Variants in MYO1E observed in about 807,000 individuals in gnomAD.
MYO1E encodes unconventional myosin-Ie.
A neutral mutation model predicts 151.1 loss-of-function variants in MYO1E; 68 were observed. That is an observed-to-expected ratio of 0.45 (90% CI 0.37 to 0.55). The LOEUF is 0.55. MYO1E is among the 20% of genes least tolerant of loss of function. The pLI is 0.00. For synonymous variants in MYO1E, 601 were observed against 501.7 expected, an observed-to-expected ratio of 1.20 and a Z score of -2.64; for missense variants, 1,363 against 1,389.3, an observed-to-expected ratio of 0.98 and a Z score of 0.30.
chr15:59,213,704 T>TG (rs1365579969), intron 12 of MYO1E, among the ~76,000 whole-genome samples: 11 of 140,918 alleles, frequency 7.8e-5, no homozygotes, highest in Middle Eastern at 4.5e-3. Flanking sequence ...CAAGCAATTC[T>TG]CCCGACTCGG....
chr15:59,165,779 G>GT (rs2079559995), intron 22 of MYO1E, among the ~76,000 whole-genome samples: 1 of 152,220 alleles, frequency 6.6e-6, no homozygotes, highest in African/African-American at 2.4e-5. Context: ...TAGCCCAGGT[G>GT]TAAGAACCCG....
chr15:59,170,259 G>A (rs1426331115), intron 22 of MYO1E, among the ~76,000 whole-genome samples: 3 of 152,230 alleles, frequency 2.0e-5, no homozygotes, highest in Admixed American at 6.5e-5. Flanking sequence ...AGGGGTCTGA[G>A]GGACTGAAGA....
rs527603514 is a variant in MYO1E, at chr15:59,147,748, G to C, written c.3080+5842C>G. On this transcript the variant is annotated intron_variant, in intron 26 of 27. Coordinates refer to ENST00000288235, the MANE Select transcript of MYO1E (RefSeq NM_004998.4). ...TATTACCATTACTGCAGAACTCTGTGTGCCACTGATGCTCTGTGCCCACGG... is the reference window on the plus strand; with the variant it reads ...TATTACCATTACTGCAGAACTCTGTCTGCCACTGATGCTCTGTGCCCACGG... 3.3e-4 allele frequency among the ~76,000 whole-genome samples: 51 copies of C among 152,252 alleles called. 2 individuals carry two copies. Among genetic ancestry groups the C allele is most frequent in the Admixed American group, 2.8e-3 (43 of 15,272 alleles).
rs972195634 is a variant in MYO1E at position 59,267,215 on chromosome 15, G to A, written c.147+5091C>T. ...TAATTTTTGTATTTATAGTAGAGAC[G>A]GGGTTTTCACCATGTTGGCCAAGAT... is the stretch of plus-strand genomic sequence containing the variant. On this transcript the variant is annotated intron_variant, in intron 2 of 27. Coordinates refer to ENST00000288235, the MANE Select transcript of MYO1E (RefSeq NM_004998.4). Among the ~76,000 whole-genome samples, 81 of 9,684 alleles carry A rather than the reference G, an allele frequency of 8.4e-3. No individual in the cohort carries two copies. In the Non-Finnish European group the frequency reaches 0.1, roughly 12 times the overall value. The allele number at this position is 9,684 out of a possible 152,430, so 6.4% of individuals were successfully genotyped here. A position where few individuals can be genotyped will look rare whatever the true frequency, so the allele number is the denominator to read the frequency against.
At chr15:59,286,295 G>A (rs1161624612) in intron 1 of MYO1E, among the ~76,000 whole-genome samples, 14 of 152,194 alleles carry the variant, frequency 9.2e-5, no homozygotes, top group African/African-American at 3.1e-4. Context: ...GAGGTATGCT[G>A]ACATGAGTTA....
intron 22 of MYO1E, among the ~76,000 whole-genome samples, chr15:59,167,699 C>T (rs150326427): frequency 7.2e-5 from 11 of 152,274 alleles, no homozygotes; most frequent in African/African-American, 1.4e-4. Flanking sequence ...TATTTTGAGA[C>T]GGAGTCTCGC....
At chr15:59,356,569 AC>A (rs1433875974) in intron 1 of MYO1E, among the ~76,000 whole-genome samples, 4 of 152,212 alleles carry the variant, frequency 2.6e-5, no homozygotes, top group African/African-American at 9.6e-5. Flanking sequence ...AAAAAGAAAT[AC>A]AAACATTTTT....
intron 1 of MYO1E, among the ~76,000 whole-genome samples, chr15:59,352,393 C>T (rs1158815750): frequency 1.3e-5 from 2 of 152,138 alleles, no homozygotes; most frequent in Non-Finnish European, 2.9e-5. Flanking sequence ...CTTGTTAAAA[C>T]ACAGATCTGC....
Position 59,206,865 on chromosome 15 carries a change from C to T in MYO1E, c.1531-1380G>A. ...CGTAGAGTGCTGAAGGTCCTGCCAA[C>T]GGCTCTCTTGGCGTCTCAACGTTCG... is the stretch of plus-strand genomic sequence containing the variant. On this transcript the variant is annotated intron_variant, in intron 14 of 27. Transcript: ENST00000288235. The T allele has an allele frequency of 5.5e-6, 8 of 1,460,050 alleles. No individual in the cohort carries two copies. The South Asian group carries it at 6.8e-5, about 12-fold the overall frequency. 90.4% of individuals were successfully genotyped at this position (1,460,050 alleles called of 1,614,324 possible).
intron 1 of MYO1E, among the ~76,000 whole-genome samples, chr15:59,352,256 G>A (rs1055055210): frequency 1.9e-4 from 29 of 152,110 alleles, no homozygotes; most frequent in African/African-American, 6.5e-4. Flanking sequence ...TGATTGAGTC[G>A]CATATCTGAA....
rs549486248 is a variant in MYO1E at position 59,163,177 on chromosome 15, T to C, written c.2607A>G (p.Leu869=). ...KRYEEKTQKQ[L]PLKFSNTLEL... ...CTTACGTATTGCTGAATTTCAGAGG[T>C]AGTTGCTTCTGGGTCTTCTCCTCGT... The change falls in exon 23 of 28, where the codon CTA becomes CTG. Residue 869 remains leucine (L), a synonymous_variant. Transcript: ENST00000288235. 2.7e-5 allele frequency: 44 copies of C among 1,614,120 alleles called. No homozygotes were observed. In the Middle Eastern group the frequency reaches 8.2e-4, roughly 30 times the overall value.
Position 59,372,528 on chromosome 15 carries a change from G to A in MYO1E, c.-28C>T, listed in dbSNP as rs2080953904. 4 of 1,535,018 alleles carry A rather than the reference G, an allele frequency of 2.6e-6. No homozygotes were observed. In the South Asian group the frequency reaches 3.6e-5, roughly 14 times the overall value. Reference sequence around the variant, plus strand: ...TGACTCGCGCCGCGGTCGCGTCTTCGCCGGGTCCCGCTGCCGGGGAACTGG... The same window carrying A: ...TGACTCGCGCCGCGGTCGCGTCTTCACCGGGTCCCGCTGCCGGGGAACTGG... On this transcript the variant is annotated 5_prime_UTR_variant, in exon 1 of 28. Transcript: ENST00000288235.
At chr15:59,256,705 C>T (rs1174358646) in intron 3 of MYO1E, among the ~76,000 whole-genome samples, 4 of 152,272 alleles carry the variant, frequency 2.6e-5, no homozygotes, top group African/African-American at 7.2e-5. Context: ...CCATACACGC[C>T]TCTGCAGGTG....
chr15:59,181,992 A>G (rs111745433), intron 18 of MYO1E, among the ~76,000 whole-genome samples: 4 of 152,288 alleles, frequency 2.6e-5, no homozygotes, highest in African/African-American at 9.6e-5. Context: ...TGGACTCTGG[A>G]TGAATTCTGC....
At chr15:59,324,523 C>T (rs2080650285) in intron 1 of MYO1E, among the ~76,000 whole-genome samples, 1 of 152,030 alleles carries the variant, frequency 6.6e-6, no homozygotes, top group Non-Finnish European at 1.5e-5. Flanking sequence ...TGGGTTGGTT[C>T]AAGGGGAGGA....
intron 1 of MYO1E, among the ~76,000 whole-genome samples, chr15:59,298,306 T>C (rs1289016466): frequency 6.6e-6 from 1 of 152,216 alleles, no homozygotes; most frequent in Non-Finnish European, 1.5e-5. Flanking sequence ...ATGGAGTATG[T>C]GTTTGGGCTT....
chr15:59,309,504 T>C (rs2080536713), intron 1 of MYO1E, among the ~76,000 whole-genome samples: 1 of 152,236 alleles, frequency 6.6e-6, no homozygotes, highest in African/African-American at 2.4e-5. Context: ...ATGATGGTGA[T>C]GCCATGACCT....
chr15:59,205,450 G>A lies in MYO1E; in HGVS notation c.1566C>T (p.Asn522=). The A allele has an allele frequency of 6.2e-7, 1 of 1,614,092 alleles. No individual in the cohort carries two copies. Among genetic ancestry groups the A allele is most frequent in the Non-Finnish European group, 8.5e-7 (1 of 1,180,024 alleles). The change falls in exon 15 of 28, where the codon AAC becomes AAT. Residue 522 remains asparagine, a synonymous_variant. Coordinates refer to ENST00000288235, the MANE Select transcript of MYO1E (RefSeq NM_004998.4). ...SYDMDGFCER[N]RDVLFMDLIE... is the part of the protein sequence containing the mutation. ...TGAGATCCATAAAAAGCACATCCCG[G>A]TTCCTTTCACAAAAGCCATCCATGT...
At chr15:59,291,682 TAAAAAAAAAAA>T (rs1182076268) in intron 1 of MYO1E, among the ~76,000 whole-genome samples, 9 of 7,802 alleles carry the variant, frequency 1.2e-3, no homozygotes, top group African/African-American at 1.9e-3. Flanking sequence ...CTAAAAATAC[TAAAAAAAAAAA>T]AAAAAAAAAA....
Sources: allele counts gnomAD v4.1 joint callset (sites outside exome capture counted in the v4.1 genomes callset), GRCh38; gene constraint gnomAD v4.1.1; transcripts MANE v1.5; gene names NCBI Gene and HGNC (gene_info 2026-07-23, HGNC 2026-07-21).